The following LARP1 variants were observed in gnomAD, a reference collection of about 807,000 sequenced individuals.
The protein encoded by LARP1 is la-related protein 1.
LARP1 carries 36 observed loss-of-function variants against 122.7 expected under a neutral mutation model. The ratio of observed to expected loss-of-function variants is 0.29; its 90% CI spans 0.22 to 0.39. LARP1 has a LOEUF of 0.39. LARP1 is among the 10% of genes least tolerant of loss of function. The pLI is 1.00. For synonymous variants in LARP1, 539 were observed against 528.7 expected (o/e 1.02, Z -0.27); for missense variants, 1,040 against 1,403.6 (o/e 0.74, Z 4.14).
At chr5:154,690,034 C>T (rs1754119553) in intron 1 of LARP1, among the ~76,000 whole-genome samples, 1 of 151,914 alleles carries the variant, frequency 6.6e-6, no homozygotes, top group African/African-American at 2.4e-5. Flanking sequence ...GAGCCAGACT[C>T]TGTCTCCAAA....
Position 154,802,106 on chromosome 5 carries a change from G to T in LARP1, c.1816G>T (p.Asp606Tyr), listed in dbSNP as rs150837134. The change falls in exon 11 of 19, where the codon GAT (aspartate) becomes TAT (tyrosine). Residue 606 changes from aspartate (D) to tyrosine (Y), a missense_variant. Around this residue, in one of 8 missense-constraint regions of LARP1, gnomAD observed 362 missense variants for 533.1 expected, o/e 0.68. Transcript: ENST00000518297. This position sits in a 1 kb window ranked among gnomAD's most constrained non-coding sequence, Gnocchi z 5.1. ...GGATCAGGATGAGCAAGAGGAACTG[G>T]ATTTTCTGTTTGACGAGGAGATGGA... ...SKDQDEQEEL[D>Y]FLFDEEMEQM... 903 of 1,614,202 alleles carry T rather than the reference G, an allele frequency of 5.6e-4. No homozygotes were observed. The highest frequency in any genetic ancestry group is 6.8e-4 in the Non-Finnish European group (805 of 1,180,044).
intron 16 of LARP1, 26 bp downstream of exon 16, chr5:154,808,629 T>C (rs1273012136): frequency 6.2e-7 from 1 of 1,603,954 alleles, no homozygotes; most frequent in African/African-American, 1.3e-5. Context: ...TGGGGGACTT[T>C]GGCTGGTGCT....
intron 1 of LARP1, among the ~76,000 whole-genome samples, chr5:154,695,398 A>G (rs2113223968): frequency 6.6e-6 from 1 of 152,004 alleles, no homozygotes; most frequent in South Asian, 2.1e-4. Flanking sequence ...TGGCTTATGC[A>G]TGTAAATCCC....
At chr5:154,707,347 T>TA (rs1418278069) in intron 1 of LARP1, among the ~76,000 whole-genome samples, 1 of 152,244 alleles carries the variant, frequency 6.6e-6, no homozygotes, top group Admixed American at 6.5e-5. Context: ...TCTTTACTGA[T>TA]ACTCAAGGAG....
At chr5:154,805,306 C>T in intron 14 of LARP1, 1 of 219,622 alleles carries the variant, frequency 4.6e-6, no homozygotes, top group Non-Finnish European at 9.1e-6. Flanking sequence ...TCGTGGTCTT[C>T]ATGTTTAGCA....
intron 16 of LARP1, among the ~76,000 whole-genome samples, chr5:154,810,104 A>G (rs1358471462): frequency 6.6e-6 from 1 of 152,106 alleles, no homozygotes; most frequent in African/African-American, 2.4e-5. Context: ...TATTTTGCTT[A>G]ATTAATGCTG....
chr5:154,780,082 C>T (rs886860812), intron 1 of LARP1, among the ~76,000 whole-genome samples: 2 of 152,068 alleles, frequency 1.3e-5, no homozygotes, highest in African/African-American at 4.8e-5. Context: ...GAACTAGTTG[C>T]TACTCGAGAA....
chr5:154,709,598 ATTTTTTTTT>A (rs60062105), upstream of LARP1, among the ~76,000 whole-genome samples: 95 of 81,366 alleles, frequency 1.2e-3, no homozygotes, highest in African/African-American at 4.4e-3. Flanking sequence ...CTCCAGTGAG[ATTTTTTTTT>A]TTTTTTTTTT....
chr5:154,712,856 G>A, exon 1 of LARP1: 1 of 1,386,048 alleles, frequency 7.2e-7, no homozygotes, highest in Non-Finnish European at 1.0e-6. Flanking sequence ...AGAGCCAGGA[G>A]GCAGCTGTGC....
chr5:154,774,355 G>A (rs1755687404), intron 1 of LARP1, among the ~76,000 whole-genome samples: 1 of 152,144 alleles, frequency 6.6e-6, no homozygotes, highest in Non-Finnish European at 1.5e-5. Flanking sequence ...AGCAGCTATG[G>A]CACCCAGCAG....
chr5:154,748,599 G>A (rs1753323192), intron 1 of LARP1, among the ~76,000 whole-genome samples: 1 of 152,206 alleles, frequency 6.6e-6, no homozygotes, highest in Admixed American at 6.5e-5. Context: ...TTCAGGACAA[G>A]TGGAAGTGGA....
intron 1 of LARP1, among the ~76,000 whole-genome samples, chr5:154,774,579 G>T (rs1304290933): frequency 6.6e-6 from 1 of 152,170 alleles, no homozygotes; most frequent in Non-Finnish European, 1.5e-5. Flanking sequence ...TACTACCTTT[G>T]GGAAGACTTA....
intron 1 of LARP1, among the ~76,000 whole-genome samples, chr5:154,784,754 C>T (rs1201454027): frequency 2.0e-5 from 3 of 152,200 alleles, no homozygotes; most frequent in Non-Finnish European, 4.4e-5. Flanking sequence ...GTGCTTTCTA[C>T]CTGTTGGTTG....
intron 1 of LARP1, among the ~76,000 whole-genome samples, chr5:154,717,306 C>T (rs1755571151): frequency 6.6e-6 from 1 of 152,104 alleles, no homozygotes; most frequent in South Asian, 2.1e-4. Flanking sequence ...GTGATGCCAG[C>T]CTGGCCCCAC....
chr5:154,709,872 A>T (rs1755132307), upstream of LARP1, among the ~76,000 whole-genome samples: 1 of 152,112 alleles, frequency 6.6e-6, no homozygotes, highest in African/African-American at 2.4e-5. Context: ...TCTCTGTGCA[A>T]TCAAACCTCT....
chr5:154,683,170 A>G (rs1582128120), intron 1 of LARP1, among the ~76,000 whole-genome samples: 1 of 152,350 alleles, frequency 6.6e-6, no homozygotes, highest in Non-Finnish European at 1.5e-5. Context: ...GGCCCCGGAA[A>G]GGCACAGATC....
At chr5:154,770,879 G>A (rs1036787405) in intron 1 of LARP1, among the ~76,000 whole-genome samples, 4 of 152,030 alleles carry the variant, frequency 2.6e-5, no homozygotes, top group African/African-American at 7.3e-5. Flanking sequence ...TTGGGAGGCC[G>A]AGGCAGGTGG....
intron 1 of LARP1, among the ~76,000 whole-genome samples, chr5:154,759,125 T>A (rs1023526560): frequency 6.6e-6 from 1 of 152,248 alleles, no homozygotes; most frequent in African/African-American, 2.4e-5. Context: ...GGCAAGTTAT[T>A]TAACCATTCT....
At chr5:154,715,408 G>T (rs1291010674) in intron 1 of LARP1, among the ~76,000 whole-genome samples, 2 of 151,478 alleles carry the variant, frequency 1.3e-5, no homozygotes, top group Non-Finnish European at 2.9e-5. Flanking sequence ...GGGATTACAG[G>T]CATGTGCCAC....
Sources: gnomAD v4.1 joint callset for allele counts (sites outside exome capture counted in the v4.1 genomes callset) on GRCh38, gnomAD v4.1.1 for gene constraint, gnomAD v4.1.1 regional missense constraint, Gnocchi (gnomAD v3.1) non-coding constraint, MANE v1.5 for transcripts, NCBI Gene and HGNC (gene_info 2026-07-23, HGNC 2026-07-21) for gene names.